Variants in METTL22 observed in about 807,000 individuals in gnomAD.
METTL22 encodes methyltransferase 22, Kin17 lysine, also known as methyltransferase-like protein 22.
In METTL22, 51 loss-of-function variants were observed where a neutral mutation model predicts 48.4. That is an observed-to-expected ratio of 1.05 (90% CI 0.84 to 1.33). The LOEUF (loss-of-function observed/expected upper bound fraction) is 1.33. METTL22 is among the 40% of genes most tolerant of loss of function. The probability of loss-of-function intolerance (pLI) is 0.00; values close to 1 mark genes in which losing one functional copy is unlikely to be tolerated. For synonymous variants in METTL22, 255 were observed against 214.1 expected, an observed-to-expected ratio of 1.19 and a Z score of -1.67; for missense variants, 678 against 526.9, an observed-to-expected ratio of 1.29 and a Z score of -2.81.
chr16:8,667,238 TA>T, the METTL22 span: 2 of 152,090 alleles, frequency 1.3e-5, no homozygotes, highest in African/African-American at 4.8e-5. Flanking sequence ...TTTATGTTAA[TA>T]AAATTAATAA....
chr16:8,637,086 A>T (rs2056446514), intron 5 of METTL22, among the ~76,000 whole-genome samples: 1 of 152,182 alleles, frequency 6.6e-6, no homozygotes, highest in Non-Finnish European at 1.5e-5. Flanking sequence ...CGTCAAGTGA[A>T]CCTTGTTGTT....
intron 1 of METTL22, 35 bp downstream of exon 1, chr16:8,621,810 G>A (rs1395855177): frequency 6.6e-6 from 1 of 152,304 alleles, no homozygotes; most frequent in Non-Finnish European, 1.5e-5. Flanking sequence ...GATAGGGTAG[G>A]GTGCAGGGAA....
the METTL22 span, among the ~76,000 whole-genome samples, chr16:8,659,914 C>T: frequency 2.0e-5 from 3 of 151,910 alleles, no homozygotes; most frequent in Admixed American, 1.3e-4. Context: ...CTTGTAGAGA[C>T]GGGGTCTCAC....
chr16:8,626,576 G>A (rs1282123006), intron 2 of METTL22, among the ~76,000 whole-genome samples: 3 of 150,800 alleles, frequency 2.0e-5, no homozygotes, highest in Non-Finnish European at 4.4e-5. Flanking sequence ...AGCCTCCCGA[G>A]TAGCTGGGAT....
At chr16:8,641,255 T>C in intron 7 of METTL22, 71 bp downstream of exon 7, 1 of 1,497,336 alleles carries the variant, frequency 6.7e-7, no homozygotes, top group Non-Finnish European at 9.3e-7. Flanking sequence ...TGCCCCTGGC[T>C]CTGTGGTTTT....
In METTL22 at chr16:8,646,147, A is replaced by G. The variant is rs1178131538; in HGVS notation, c.*4A>G. 1.9e-6 allele frequency: 3 copies of G among 1,610,308 alleles called. No homozygotes were observed. Among genetic ancestry groups the G allele is most frequent in the Non-Finnish European group, 2.5e-6 (3 of 1,178,984 alleles). ...CATCGCAGAACCAGTAACATGACCC[A>G]TCGCCTCCACAAGGCGCGGCGTCTC... On this transcript the variant is annotated 3_prime_UTR_variant, in exon 11 of 11. Transcript: ENST00000381920.
intron 3 of METTL22, among the ~76,000 whole-genome samples, chr16:8,634,696 A>G (rs2056369530): frequency 1.3e-5 from 2 of 152,176 alleles, no homozygotes; most frequent in African/African-American, 4.8e-5. Flanking sequence ...GTAACTTTGC[A>G]ATTATTGGTC....
At chr16:8,631,080 C>T (rs2056244191) in intron 3 of METTL22, among the ~76,000 whole-genome samples, 2 of 152,192 alleles carry the variant, frequency 1.3e-5, no homozygotes, top group African/African-American at 4.8e-5. Flanking sequence ...CCAGTGAGCG[C>T]CAGGAGCAGG....
chr16:8,644,702 G>C lies in METTL22; in HGVS notation c.1156G>C (p.Val386Leu). The part of the protein sequence containing the change: ...PVEASFPQLL[V>L]YERLQQLELW... ...GGAGGCCTCCTTCCCACAGCTCCTGGTTTACGAGCGCCTCCAGCAACTGGT... is the reference window on the plus strand; with the variant it reads ...GGAGGCCTCCTTCCCACAGCTCCTGCTTTACGAGCGCCTCCAGCAACTGGT... The change falls in exon 10 of 11, where the codon GTT becomes CTT. Residue 386 changes from valine (V) to leucine (L), a missense_variant. Coordinates refer to ENST00000381920, the MANE Select transcript of METTL22 (RefSeq NM_024109.4). The C allele has an allele frequency of 1.3e-6, 2 of 1,594,912 alleles. No homozygotes were observed. Among genetic ancestry groups the C allele is most frequent in the Non-Finnish European group, 1.7e-6 (2 of 1,169,918 alleles).
intron 3 of METTL22, among the ~76,000 whole-genome samples, chr16:8,633,822 A>C (rs1367404870): frequency 6.6e-6 from 1 of 152,234 alleles, no homozygotes; most frequent in Admixed American, 6.5e-5. Flanking sequence ...TATTAACTTT[A>C]CAAACAGTAA....
the METTL22 span, among the ~76,000 whole-genome samples, chr16:8,665,072 A>G: frequency 6.6e-6 from 1 of 152,132 alleles, no homozygotes; most frequent in African/African-American, 2.4e-5. Context: ...AGGAGTTTCC[A>G]CGGTATCCTC....
At chr16:8,639,256 C>T in intron 6 of METTL22, 94 bp downstream of exon 6, 1 of 1,225,686 alleles carries the variant, frequency 8.2e-7, no homozygotes. Context: ...AGGCAGGGCT[C>T]CGTCTGTGTC....
chr16:8,658,296 C>A, the METTL22 span, among the ~76,000 whole-genome samples: 3 of 152,214 alleles, frequency 2.0e-5, no homozygotes, highest in Non-Finnish European at 4.4e-5. Flanking sequence ...CCTGCTGACA[C>A]CTTGATTGCG....
chr16:8,635,751 C>G (rs1316004313), intron 5 of METTL22, among the ~76,000 whole-genome samples: 3 of 152,182 alleles, frequency 2.0e-5, no homozygotes, highest in East Asian at 1.9e-4. Context: ...TTTACAATCC[C>G]TAGATTGAAT....
intron 2 of METTL22, among the ~76,000 whole-genome samples, chr16:8,627,886 A>G (rs1225229661): frequency 6.6e-6 from 1 of 152,190 alleles, no homozygotes; most frequent in Admixed American, 6.5e-5. Context: ...AGCTGGGACT[A>G]TAGGCACATG....
chr16:8,632,407 C>T (rs1731056), intron 3 of METTL22, among the ~76,000 whole-genome samples: 150,454 of 152,362 alleles, frequency 0.99, 74,319 homozygotes, highest in Middle Eastern at 1. Flanking sequence ...CTTTGCACTT[C>T]GTTACCCAGG....
chr16:8,621,981 G>T (rs887508855), intron 1 of METTL22, among the ~76,000 whole-genome samples: 3 of 152,216 alleles, frequency 2.0e-5, no homozygotes, highest in Admixed American at 1.3e-4. Context: ...CTGGGTCCAG[G>T]CACCTCTCCT....
At chr16:8,628,075 T>C (rs1463639985) in intron 2 of METTL22, among the ~76,000 whole-genome samples, 1 of 152,218 alleles carries the variant, frequency 6.6e-6, no homozygotes, top group Non-Finnish European at 1.5e-5. Flanking sequence ...AGGAAAAGTT[T>C]GCTCACCCCT....
intron 10 of METTL22, chr16:8,645,880 C>T (rs913403894): frequency 3.0e-5 from 29 of 965,080 alleles, no homozygotes; most frequent in East Asian, 2.9e-4. Context: ...ATGCACCTTC[C>T]GTTAATGCTG....
Sources: allele counts gnomAD v4.1 joint callset (sites outside exome capture counted in the v4.1 genomes callset), GRCh38; gene constraint gnomAD v4.1.1; transcripts MANE v1.5; gene names NCBI Gene and HGNC (gene_info 2026-07-23, HGNC 2026-07-21).